PTPRD: variants seen among roughly 807,000 people sequenced by gnomAD.
The protein encoded by PTPRD is protein tyrosine phosphatase receptor type D, also known as receptor-type tyrosine-protein phosphatase delta.
Under a neutral mutation model 214.5 loss-of-function variants are expected in PTPRD, and 34 were observed. The ratio of observed to expected loss-of-function variants is 0.16; its 90% CI spans 0.12 to 0.21. The LOEUF is 0.21. Among genes scored for constraint, PTPRD ranks in the 10% least tolerant of loss-of-function variants. The probability of loss-of-function intolerance (pLI) is 1.00; values close to 1 mark genes in which losing one functional copy is unlikely to be tolerated. For synonymous variants in PTPRD, 1,128 were observed against 845.7 expected (o/e 1.33, Z -5.79); for missense variants, 2,545 against 2,398.7 (o/e 1.06, Z -1.27).
chr9:8,803,027 G>A (rs574812968), intron 11 of PTPRD, among the ~76,000 whole-genome samples: 4 of 151,996 alleles, frequency 2.6e-5, no homozygotes, highest in Admixed American at 1.3e-4. Flanking sequence ...ATTGTACTCC[G>A]GCCTCGGCAA....
intron 2 of PTPRD, among the ~76,000 whole-genome samples, chr9:10,371,649 A>G (rs2097622255): frequency 6.6e-6 from 1 of 152,006 alleles, no homozygotes; most frequent in East Asian, 1.9e-4. Flanking sequence ...ACACTACTCC[A>G]TTTTGGTGGA....
At chr9:10,005,042 T>A (rs2096442108) in intron 4 of PTPRD, among the ~76,000 whole-genome samples, 2 of 152,156 alleles carry the variant, frequency 1.3e-5, no homozygotes, top group South Asian at 2.1e-4. Context: ...TTGATCATAT[T>A]TCTTTGCAAT....
intron 11 of PTPRD, among the ~76,000 whole-genome samples, chr9:8,788,234 T>G (rs1213158206): frequency 6.6e-6 from 1 of 151,448 alleles, no homozygotes; most frequent in African/African-American, 2.4e-5. Flanking sequence ...AGCCAAATAT[T>G]TTTGGTTCAT....
chr9:9,311,177 C>T (rs1958886016), intron 9 of PTPRD, among the ~76,000 whole-genome samples: 1 of 152,042 alleles, frequency 6.6e-6, no homozygotes, highest in Non-Finnish European at 1.5e-5. Context: ...CTCAGAACAA[C>T]ACAATGAATT....
chr9:8,559,517 C>T (rs895096168), intron 14 of PTPRD, among the ~76,000 whole-genome samples: 14 of 152,176 alleles, frequency 9.2e-5, no homozygotes, highest in African/African-American at 2.7e-4. Flanking sequence ...CAGAAGTTAT[C>T]ATCCTTAAAT....
intron 3 of PTPRD, among the ~76,000 whole-genome samples, chr9:10,158,683 C>G (rs1368480699): frequency 1.3e-5 from 2 of 152,044 alleles, no homozygotes; most frequent in African/African-American, 4.8e-5. Context: ...TATTCATATC[C>G]ACGATGCCTC....
rs557597126 is a variant in PTPRD, at chr9:10,400,928, C to G, written c.-599-59911G>C. Among the ~76,000 whole-genome samples, 5 of 151,452 alleles carry G rather than the reference C, an allele frequency of 3.3e-5. No individual in the cohort carries two copies. The South Asian group carries it at 1.0e-3, about 31-fold the overall frequency. On this transcript the variant is annotated intron_variant, in intron 2 of 45. Coordinates refer to ENST00000381196, the MANE Select transcript of PTPRD (RefSeq NM_002839.4). The stretch of plus-strand genomic sequence containing the variant: ...TGTATTCCTCCAATTCCTTTCTTTA[C>G]TCCTTAAACATATATATTCAAAGAC...
chr9:8,730,723 A>G (rs192489470), intron 12 of PTPRD, among the ~76,000 whole-genome samples: 1 of 152,366 alleles, frequency 6.6e-6, no homozygotes. Flanking sequence ...TGAGGATTAC[A>G]TTACTATAAT....
At chr9:10,246,325 C>G (rs1368333135) in intron 3 of PTPRD, among the ~76,000 whole-genome samples, 1 of 152,146 alleles carries the variant, frequency 6.6e-6, no homozygotes, top group South Asian at 2.1e-4. Context: ...CTCACTGCAA[C>G]CTCCACCTCT....
intron 9 of PTPRD, among the ~76,000 whole-genome samples, chr9:9,193,295 G>T (rs896193535): frequency 4.6e-5 from 7 of 152,024 alleles, no homozygotes; most frequent in African/African-American, 1.7e-4. Flanking sequence ...AAAATCATAC[G>T]CAGAGGAAAA....
intron 11 of PTPRD, among the ~76,000 whole-genome samples, chr9:8,993,256 A>G (rs1036660713): frequency 7.2e-5 from 11 of 152,150 alleles, no homozygotes; most frequent in African/African-American, 2.4e-4. Context: ...GCCCCAGGAC[A>G]GGTTGCTTAA....
intron 2 of PTPRD, among the ~76,000 whole-genome samples, chr9:10,380,784 C>CA (rs5896389): frequency 0.87 from 132,839 of 151,938 alleles, 58,124 homozygotes; most frequent in African/African-American, 0.92. Flanking sequence ...AATATCACAA[C>CA]AATTTCCATT....
At chr9:8,373,602 C>A (rs1227508661) in intron 39 of PTPRD, among the ~76,000 whole-genome samples, 1 of 147,076 alleles carries the variant, frequency 6.8e-6, no homozygotes, top group Non-Finnish European at 1.5e-5. Flanking sequence ...CTTAACATAA[C>A]ATGGATGCGG....
At chr9:10,281,248 G>A (rs566700971) in intron 3 of PTPRD, among the ~76,000 whole-genome samples, 3 of 152,072 alleles carry the variant, frequency 2.0e-5, no homozygotes, top group East Asian at 3.9e-4. Context: ...ATTTGAGTGG[G>A]AAATGGTGGT....
At chr9:8,672,944 CA>C (rs2097317252) in intron 12 of PTPRD, among the ~76,000 whole-genome samples, 2 of 151,948 alleles carry the variant, frequency 1.3e-5, no homozygotes, top group African/African-American at 4.8e-5. Context: ...GTAGACACAG[CA>C]AATAAATGTA....
intron 9 of PTPRD, among the ~76,000 whole-genome samples, chr9:9,383,057 C>T (rs2062806969): frequency 6.6e-6 from 1 of 152,002 alleles, no homozygotes; most frequent in African/African-American, 2.4e-5. Flanking sequence ...CCTGCCATGT[C>T]ACCACCAGAC....
At chr9:10,322,469 A>C (rs2096569720) in intron 3 of PTPRD, among the ~76,000 whole-genome samples, 1 of 151,950 alleles carries the variant, frequency 6.6e-6, no homozygotes, top group South Asian at 2.1e-4. Flanking sequence ...CAAACCTATA[A>C]TATACAGTGA....
At chr9:9,175,487 A>G in intron 10 of PTPRD, among the ~76,000 whole-genome samples, 1 of 151,500 alleles carries the variant, frequency 6.6e-6, no homozygotes. Context: ...GCTGAGCATG[A>G]TGGTGGGTGC....
chr9:9,695,478 C>A (rs1248519943), intron 7 of PTPRD, among the ~76,000 whole-genome samples: 1 of 152,160 alleles, frequency 6.6e-6, no homozygotes, highest in African/African-American at 2.4e-5. Flanking sequence ...GACCTTAGTT[C>A]ACTGGCTCTA....
Sources: gnomAD v4.1 joint callset for allele counts (sites outside exome capture counted in the v4.1 genomes callset) on GRCh38, gnomAD v4.1.1 for gene constraint, MANE v1.5 for transcripts, NCBI Gene and HGNC (gene_info 2026-07-23, HGNC 2026-07-21) for gene names.